The following ITGA4 variants were observed in gnomAD, a reference collection of about 807,000 sequenced individuals.
The protein encoded by ITGA4 is integrin subunit alpha 4, also known as integrin alpha-4.
ITGA4 carries 63 observed loss-of-function variants against 133.6 expected under a neutral mutation model. The ratio of observed to expected loss-of-function variants is 0.47; its 90% CI spans 0.38 to 0.58. The LOEUF is 0.58. ITGA4 is among the 20% of genes least tolerant of loss of function. ITGA4 has a pLI of 0.00. For synonymous variants in ITGA4, 483 were observed against 438.0 expected, an observed-to-expected ratio of 1.10 and a Z score of -1.28; for missense variants, 1,076 against 1,252.7, an observed-to-expected ratio of 0.86 and a Z score of 2.13.
At chr2:181,486,648 C>G (rs1157239309) in intron 10 of ITGA4, among the ~76,000 whole-genome samples, 1 of 152,106 alleles carries the variant, frequency 6.6e-6, no homozygotes, top group African/African-American at 2.4e-5. Context: ...GATGTCAGTC[C>G]TGTTGTTGAA....
chr2:181,483,443 A>G (rs1460810670), intron 9 of ITGA4, among the ~76,000 whole-genome samples: 2 of 152,162 alleles, frequency 1.3e-5, no homozygotes, highest in Non-Finnish European at 2.9e-5. Flanking sequence ...ATGGCATAGC[A>G]TTTTTCAGTC....
At chr2:181,520,386 G>C (rs1686692431) in intron 17 of ITGA4, among the ~76,000 whole-genome samples, 1 of 152,044 alleles carries the variant, frequency 6.6e-6, no homozygotes, top group African/African-American at 2.4e-5. Flanking sequence ...AAGTGAAGCA[G>C]GGGCCAACTC....
At chr2:181,487,612 T>A (rs905756774) in intron 10 of ITGA4, among the ~76,000 whole-genome samples, 1 of 152,198 alleles carries the variant, frequency 6.6e-6, no homozygotes, top group Non-Finnish European at 1.5e-5. Context: ...CAAGCCTGGT[T>A]TGATTAAAAA....
chr2:181,469,210 T>G (rs1685489024), intron 2 of ITGA4, among the ~76,000 whole-genome samples: 1 of 152,182 alleles, frequency 6.6e-6, no homozygotes, highest in African/African-American at 2.4e-5. Flanking sequence ...TGCTTAACAT[T>G]TGATATTTCA....
At chr2:181,480,828 C>T (rs1057235047) in intron 6 of ITGA4, among the ~76,000 whole-genome samples, 1 of 152,192 alleles carries the variant, frequency 6.6e-6, no homozygotes, top group East Asian at 1.9e-4. Context: ...TTATCATCTT[C>T]CTCCTCCTCA....
chr2:181,513,333 T>G (rs1321643072), intron 17 of ITGA4, among the ~76,000 whole-genome samples: 3 of 152,042 alleles, frequency 2.0e-5, no homozygotes. Context: ...GCCCTATAGT[T>G]TCAATCTGTC....
At position 181,536,483 on chromosome 2, in the gene ITGA4, G is replaced by A. The variant is rs995635138; in HGVS notation, c.*956G>A. Among the ~76,000 whole-genome samples the A allele has an allele frequency of 3.3e-5, 5 of 151,956 alleles. No individual in the cohort carries two copies. The highest frequency in any genetic ancestry group is 7.4e-5 in the Non-Finnish European group (5 of 67,974). On this transcript the variant is annotated 3_prime_UTR_variant, in exon 28 of 28. Coordinates refer to ENST00000397033, the MANE Select transcript of ITGA4 (RefSeq NM_000885.6). ...GGGGCCTATACTTCATATGTATTAT[G>A]TACTATGTAAAATATTGACTATCAC... is the stretch of plus-strand genomic sequence containing the variant.
Position 181,482,580 on chromosome 2 carries a change from C to T in ITGA4, c.970C>T (p.Leu324Phe). The change falls in exon 9 of 28, where the codon CTC becomes TTC. Residue 324 changes from leucine (L) to phenylalanine (F), a missense_variant. By Grantham distance (22) the Leu-to-Phe change is conservative. This residue lies in a region of ITGA4 where 436 missense variants were observed against 590.7 expected (regional missense o/e 0.74). Transcript: ENST00000397033. ...CAATGCAGATGGCTTCTCAGATCTG[C>T]TCGTGGGAGCACCCATGCAGAGCAC... ...DLNADGFSDL[L>F]VGAPMQSTIR... 6.2e-7 allele frequency: 1 copy of T among 1,613,812 alleles called. No individual in the cohort carries two copies. Among genetic ancestry groups the T allele is most frequent in the Non-Finnish European group, 8.5e-7 (1 of 1,179,782 alleles).
In ITGA4 at chr2:181,538,193, A is replaced by G; in HGVS notation, c.*2666A>G. 1 of 1,574,400 alleles carries G rather than the reference A, an allele frequency of 6.4e-7. No homozygotes were observed. Among genetic ancestry groups the G allele is most frequent in the Non-Finnish European group, 8.7e-7 (1 of 1,145,270 alleles). ...TAGAAACAATTACATGTTACTTTGGAATCATTTCTTCCATGCTTCCTCCAT... is the reference window on the plus strand; with the variant it reads ...TAGAAACAATTACATGTTACTTTGGGATCATTTCTTCCATGCTTCCTCCAT... On this transcript the variant is annotated 3_prime_UTR_variant, in exon 28 of 28. Coordinates refer to ENST00000397033, the MANE Select transcript of ITGA4 (RefSeq NM_000885.6).
Position 181,457,430 on chromosome 2 carries a change from G to C in ITGA4, c.-225G>C. 2.1e-6 allele frequency: 1 copy of C among 487,778 alleles called. No individual in the cohort carries two copies. The highest frequency in any genetic ancestry group is 4.1e-5 in the Admixed American group (1 of 24,546). 30.2% of individuals were successfully genotyped at this position (487,778 alleles called of 1,614,324 possible). A position where few individuals can be genotyped will look rare whatever the true frequency, so the allele number is the denominator to read the frequency against. ...AAGCTCCCGGCTGGCGGCAGAAACC[G>C]GGAGTGGGGCCGGGCGAGTGCGCGG... On this transcript the variant is annotated 5_prime_UTR_variant, in exon 1 of 28. Coordinates refer to ENST00000397033, the MANE Select transcript of ITGA4 (RefSeq NM_000885.6).
At position 181,538,107 on chromosome 2, in the gene ITGA4, C is replaced by A. The variant is rs1574424314; in HGVS notation, c.*2580C>A. ...AAACTGGTCCCAAAAAGGGTGGGGA[C>A]CACAGGTTTAAAGCATGGCCACATT... is the stretch of plus-strand genomic sequence containing the variant. On this transcript the variant is annotated 3_prime_UTR_variant, in exon 28 of 28. Coordinates refer to ENST00000397033, the MANE Select transcript of ITGA4 (RefSeq NM_000885.6). The A allele has an allele frequency of 8.0e-6, 8 of 999,094 alleles. No individual in the cohort carries two copies. The East Asian group carries it at 1.9e-4, about 24-fold the overall frequency. The allele number at this position is 999,094 out of a possible 1,614,324, so 61.9% of individuals were successfully genotyped here.
At chr2:181,494,380 G>A (rs1301032727) in intron 11 of ITGA4, among the ~76,000 whole-genome samples, 2 of 152,202 alleles carry the variant, frequency 1.3e-5, no homozygotes, top group Non-Finnish European at 2.9e-5. Flanking sequence ...GCTGAGCTGG[G>A]AAGACTGCTT....
In ITGA4 at chr2:181,525,257, C is replaced by T; in HGVS notation, c.2305C>T (p.Pro769Ser). The change falls in exon 21 of 28, where the codon CCT (proline) becomes TCT (serine). Residue 769 changes from proline to serine, a missense_variant. By Grantham distance (74) the Pro-to-Ser change is moderately conservative. Coordinates refer to ENST00000397033, the MANE Select transcript of ITGA4 (RefSeq NM_000885.6). ...LKHSRVTVAI[P>S]LKYEVKLTVH... ...GCACAGCAGAGTGACTGTAGCAATA[C>T]CTTTAAAATATGAGGTTAAGCTGAC... 6.2e-7 allele frequency: 1 copy of T among 1,605,354 alleles called. No individual in the cohort carries two copies. Among genetic ancestry groups the T allele is most frequent in the East Asian group, 2.2e-5 (1 of 44,656 alleles).
At position 181,535,645 on chromosome 2, in the gene ITGA4, G is replaced by GT; in HGVS notation, c.*119dup. 7.5e-7 allele frequency: 1 copy of GT among 1,329,108 alleles called. No homozygotes were observed. The highest frequency in any genetic ancestry group is 1.0e-6 in the Non-Finnish European group (1 of 988,398). 82.3% of individuals were successfully genotyped at this position (1,329,108 alleles called of 1,614,324 possible). A position where few individuals can be genotyped will look rare whatever the true frequency, so the allele number is the denominator to read the frequency against. On this transcript the variant is annotated 3_prime_UTR_variant, in exon 28 of 28. Transcript: ENST00000397033. Reference sequence around the variant, plus strand: ...TTGGACTTCTTTTACTCATGATCTTGTGACATATTATGTCTTCATGCAAGG... The same window carrying GT: ...TTGGACTTCTTTTACTCATGATCTTGTTGACATATTATGTCTTCATGCAAGG...
intron 25 of ITGA4, among the ~76,000 whole-genome samples, chr2:181,533,968 A>G (rs1043635261): frequency 6.6e-5 from 10 of 152,212 alleles, no homozygotes; most frequent in South Asian, 4.1e-4. Flanking sequence ...GATAGATTCA[A>G]TATGCGGTGG....
intron 9 of ITGA4, among the ~76,000 whole-genome samples, chr2:181,485,373 C>G (rs565635330): frequency 6.6e-6 from 1 of 151,452 alleles, no homozygotes; most frequent in Admixed American, 6.6e-5. Context: ...CATGCCATTT[C>G]CTTTATGAAA....
chr2:181,502,588 G>C (rs1299707121), intron 15 of ITGA4, among the ~76,000 whole-genome samples: 1 of 152,038 alleles, frequency 6.6e-6, no homozygotes, highest in Non-Finnish European at 1.5e-5. Flanking sequence ...TGTGGTGATG[G>C]GGACTGTAGA....
At position 181,457,418 on chromosome 2, in the gene ITGA4, G is replaced by A; in HGVS notation, c.-237G>A. ...CGCGAGCACCCGAAGCTCCCGGCTG[G>A]CGGCAGAAACCGGGAGTGGGGCCGG... On this transcript the variant is annotated 5_prime_UTR_variant, in exon 1 of 28. Transcript: ENST00000397033. 2.1e-6 allele frequency: 1 copy of A among 479,080 alleles called. No homozygotes were observed. Among genetic ancestry groups the A allele is most frequent in the Non-Finnish European group, 3.7e-6 (1 of 269,690 alleles). The allele number at this position is 479,080 out of a possible 1,614,324, so 29.7% of individuals were successfully genotyped here. A position where few individuals can be genotyped will look rare whatever the true frequency, so the allele number is the denominator to read the frequency against.
intron 25 of ITGA4, among the ~76,000 whole-genome samples, chr2:181,533,445 G>C (rs1016028379): frequency 6.6e-6 from 1 of 152,196 alleles, no homozygotes; most frequent in Non-Finnish European, 1.5e-5. Context: ...TTTTCCATCA[G>C]TGGCCATAAT....
Sources: allele counts gnomAD v4.1 joint callset (sites outside exome capture counted in the v4.1 genomes callset), GRCh38; gene constraint gnomAD v4.1.1; regional missense constraint gnomAD v4.1.1; transcripts MANE v1.5; gene names NCBI Gene and HGNC (gene_info 2026-07-23, HGNC 2026-07-21).